Variants in IGFL2 observed in about 807,000 individuals in gnomAD.
The protein encoded by IGFL2 is insulin growth factor-like family member 2.
Under a neutral mutation model 13.9 loss-of-function variants are expected in IGFL2, and 7 were observed. The observed-to-expected ratio is 0.51, with a 90% confidence interval of 0.29 to 0.95. IGFL2 has a LOEUF of 0.95. IGFL2 is among the 40% of genes least tolerant of loss of function. IGFL2 has a pLI of 0.08. For synonymous variants in IGFL2, 55 were observed against 55.8 expected (o/e 0.99, Z 0.07); for missense variants, 138 against 147.8 (o/e 0.93, Z 0.34).
chr19:46,145,623 T>C (rs940510669), upstream of IGFL2, among the ~76,000 whole-genome samples: 2 of 151,234 alleles, frequency 1.3e-5, no homozygotes, highest in Non-Finnish European at 2.9e-5. Context: ...TGTGTGTGTG[T>C]GTGTGTGTGT....
chr19:46,191,492 C>A, the IGFL2 span, among the ~76,000 whole-genome samples: 1 of 152,084 alleles, frequency 6.6e-6, no homozygotes, highest in Non-Finnish European at 1.5e-5. Flanking sequence ...AACAAGTAAA[C>A]GTTGCCAGAG....
At chr19:46,184,232 CTCTT>C in the IGFL2 span, among the ~76,000 whole-genome samples, 2 of 151,620 alleles carry the variant, frequency 1.3e-5, no homozygotes, top group East Asian at 1.9e-4. Context: ...ATGTGCCTCT[CTCTT>C]TCTTTCAATG....
the IGFL2 span, among the ~76,000 whole-genome samples, chr19:46,118,488 G>A: frequency 6.6e-6 from 1 of 152,216 alleles, no homozygotes; most frequent in Non-Finnish European, 1.5e-5. Flanking sequence ...TCCTAGACAG[G>A]CTTTTATAAT....
At chr19:46,186,258 C>T in the IGFL2 span, among the ~76,000 whole-genome samples, 3 of 152,196 alleles carry the variant, frequency 2.0e-5, no homozygotes, top group African/African-American at 7.2e-5. Context: ...GGCAGGGCAC[C>T]CCCGCCGACC....
At chr19:46,104,455 G>A in the IGFL2 span, among the ~76,000 whole-genome samples, 2,018 of 152,254 alleles carry the variant, frequency 0.013, 31 homozygotes, top group Middle Eastern at 0.027. Context: ...ATAAAAGCTG[G>A]TCTGTGATGA....
chr19:46,186,815 T>A, the IGFL2 span, among the ~76,000 whole-genome samples: 4 of 152,322 alleles, frequency 2.6e-5, no homozygotes, highest in African/African-American at 9.6e-5. Flanking sequence ...CTGCTACGTG[T>A]CAGGCATTGT....
the IGFL2 span, chr19:46,195,004 T>C: frequency 1.4e-5 from 2 of 145,802 alleles, no homozygotes; most frequent in Non-Finnish European, 3.0e-5. Flanking sequence ...GATGAGCCAC[T>C]GCATCTGACC....
In IGFL2 at chr19:46,160,286, T is replaced by C. The variant is rs1329149272; in HGVS notation, c.20-129T>C. ...GTGTCAGTTAGATCCTATGCAAAGA[T>C]AGTTCCAAACCCAAGCCTTTAGAGC... is the stretch of plus-strand genomic sequence containing the variant. On this transcript the variant is annotated intron_variant, in intron 1 of 3. Coordinates refer to ENST00000377693, the MANE Select transcript of IGFL2 (RefSeq NM_001135113.2). The C allele has an allele frequency of 8.4e-5, 64 of 757,794 alleles. 1 individual carries two copies. Among genetic ancestry groups the C allele is most frequent in the Non-Finnish European group, 1.1e-4 (49 of 440,674 alleles). The allele number at this position is 757,794 out of a possible 1,614,324, so 46.9% of individuals were successfully genotyped here.
the IGFL2 span, among the ~76,000 whole-genome samples, chr19:46,202,240 C>G: frequency 1.3e-5 from 2 of 152,068 alleles, no homozygotes; most frequent in African/African-American, 4.8e-5. Flanking sequence ...CACCTCAGAC[C>G]ATTTGCCCAT....
chr19:46,199,453 C>A, the IGFL2 span, among the ~76,000 whole-genome samples: 1 of 152,276 alleles, frequency 6.6e-6, no homozygotes, highest in Non-Finnish European at 1.5e-5. Context: ...CTGGCGGAGG[C>A]ATTGGACAGC....
chr19:46,088,383 C>T, the IGFL2 span, among the ~76,000 whole-genome samples: 4 of 152,094 alleles, frequency 2.6e-5, no homozygotes, highest in Non-Finnish European at 5.9e-5. Flanking sequence ...ACTAATGAAC[C>T]CATATGTTTA....
chr19:46,126,484 G>A, the IGFL2 span, among the ~76,000 whole-genome samples: 1 of 152,128 alleles, frequency 6.6e-6, no homozygotes, highest in Non-Finnish European at 1.5e-5. Flanking sequence ...CTTTCATTAT[G>A]TTGTTTTCCT....
chr19:46,168,739 C>T, the IGFL2 span, among the ~76,000 whole-genome samples: 6 of 152,310 alleles, frequency 3.9e-5, no homozygotes, highest in South Asian at 8.3e-4. Flanking sequence ...AACTTGCATC[C>T]ATGATCCCAG....
At chr19:46,091,494 C>T in the IGFL2 span, among the ~76,000 whole-genome samples, 1 of 152,142 alleles carries the variant, frequency 6.6e-6, no homozygotes, top group Non-Finnish European at 1.5e-5. Flanking sequence ...AGAAGAGACA[C>T]TTGTGTTTTC....
chr19:46,115,406 C>T, the IGFL2 span, among the ~76,000 whole-genome samples: 6 of 152,236 alleles, frequency 3.9e-5, no homozygotes, highest in Admixed American at 6.5e-5. Context: ...AATAAGGCGG[C>T]GTCAGTAGAA....
At chr19:46,112,341 G>GC in the IGFL2 span, among the ~76,000 whole-genome samples, 2 of 152,036 alleles carry the variant, frequency 1.3e-5, no homozygotes, top group African/African-American at 4.8e-5. Flanking sequence ...AATTATAGTG[G>GC]CCCCCACCCC....
chr19:46,162,007 C>T (rs1017043161), downstream of IGFL2, among the ~76,000 whole-genome samples: 1 of 152,182 alleles, frequency 6.6e-6, no homozygotes, highest in Non-Finnish European at 1.5e-5. Flanking sequence ...TAAGGCAGAG[C>T]TGGTCGTAAT....
chr19:46,114,775 G>A, the IGFL2 span, among the ~76,000 whole-genome samples: 1 of 152,164 alleles, frequency 6.6e-6, no homozygotes, highest in Non-Finnish European at 1.5e-5. Context: ...GCGGAACTGT[G>A]AGCCAATTAA....
chr19:46,184,313 A>G, the IGFL2 span, among the ~76,000 whole-genome samples: 63 of 152,024 alleles, frequency 4.1e-4, no homozygotes, highest in South Asian at 4.1e-4. Context: ...GTACATGTGC[A>G]GAATGTGCAG....
Sources: allele counts gnomAD v4.1 joint callset (sites outside exome capture counted in the v4.1 genomes callset), GRCh38; gene constraint gnomAD v4.1.1; transcripts MANE v1.5; gene names NCBI Gene and HGNC (gene_info 2026-07-23, HGNC 2026-07-21).